Variants in STARD9 observed in about 807,000 individuals in gnomAD.
STARD9 encodes stAR-related lipid transfer protein 9.
STARD9 carries 346 observed loss-of-function variants against 399.8 expected under a neutral mutation model. That is an observed-to-expected ratio of 0.87 (90% CI 0.79 to 0.95). The LOEUF (loss-of-function observed/expected upper bound fraction) is 0.95, where lower values mean the gene tolerates loss of function less well. Ranked by LOEUF, STARD9 falls within the 40% of genes least tolerant of loss-of-function variation. STARD9 has a pLI of 0.00. For synonymous variants in STARD9, 2,203 were observed against 2,143.5 expected (o/e 1.03, Z -0.77); for missense variants, 5,832 against 5,667.5 (o/e 1.03, Z -0.93).
intron 7 of STARD9, among the ~76,000 whole-genome samples, chr15:42,648,859 G>T (rs1417946018): frequency 6.6e-6 from 1 of 151,468 alleles, no homozygotes; most frequent in Non-Finnish European, 1.5e-5. Context: ...AAGGCCTATT[G>T]CCTGTATACT....
intron 7 of STARD9, among the ~76,000 whole-genome samples, chr15:42,648,236 C>T (rs1033075231): frequency 2.0e-5 from 3 of 152,138 alleles, no homozygotes; most frequent in African/African-American, 4.8e-5. Flanking sequence ...GATCTCGGCT[C>T]ACTGCAACCT....
At chr15:42,702,077 C>T (rs1032052377) in intron 26 of STARD9, among the ~76,000 whole-genome samples, 3 of 151,736 alleles carry the variant, frequency 2.0e-5, no homozygotes, top group East Asian at 1.9e-4. Flanking sequence ...TCCCCTTCCT[C>T]GCTAACAGAT....
At chr15:42,620,960 G>T (rs947399890) in intron 3 of STARD9, among the ~76,000 whole-genome samples, 1 of 151,890 alleles carries the variant, frequency 6.6e-6, no homozygotes. Flanking sequence ...CACCATGTTG[G>T]CCAGTCTGGT....
intron 20 of STARD9, among the ~76,000 whole-genome samples, chr15:42,677,006 A>G (rs1317094567): frequency 6.8e-6 from 1 of 148,080 alleles, no homozygotes; most frequent in Non-Finnish European, 1.5e-5. Context: ...TAATCCCAGC[A>G]CTTTGGGAGG....
chr15:42,685,816 A>G lies in STARD9; in HGVS notation c.4238A>G (p.His1413Arg), dbSNP rs567272035. 2 of 1,537,212 alleles carry G rather than the reference A, an allele frequency of 1.3e-6. No homozygotes were observed. The highest frequency in any genetic ancestry group is 2.4e-5 in the South Asian group (2 of 84,070). ...TELLCSARDE[H>R]TASAADTSRL... ...CTCCTCTGCAGTGCAAGAGATGAGC[A>G]CACAGCCTCTGCTGCTGATACGTCT... The change falls in exon 23 of 33, where the codon CAC becomes CGC. Residue 1413 changes from histidine to arginine, a missense_variant. Around this residue, in one of 2 missense-constraint regions of STARD9, gnomAD observed 5,828 missense variants for 5,651.1 expected, o/e 1.03. Coordinates refer to ENST00000290607, the MANE Select transcript of STARD9 (RefSeq NM_020759.3).
At chr15:42,650,942 A>T (rs538848050) in intron 7 of STARD9, 74 bp from the exon 8 acceptor site, 203 of 1,051,880 alleles carry the variant, frequency 1.9e-4, no homozygotes, top group Non-Finnish European at 2.7e-4. Flanking sequence ...GGAATGATAA[A>T]GACTTACAAG....
At chr15:42,636,113 A>G (rs981478366) in intron 4 of STARD9, among the ~76,000 whole-genome samples, 3 of 152,162 alleles carry the variant, frequency 2.0e-5, no homozygotes, top group Non-Finnish European at 4.4e-5. Flanking sequence ...TCTAGGCAAC[A>G]TAGGGAGACT....
Position 42,694,043 on chromosome 15 carries a change from G to T in STARD9, c.12465G>T (p.Gly4155=), listed in dbSNP as rs916199760. 29 of 1,535,340 alleles carry T rather than the reference G, an allele frequency of 1.9e-5. No individual in the cohort carries two copies. The highest frequency in any genetic ancestry group is 1.7e-4 in the Middle Eastern group (1 of 6,004). ...GGGTTCAGAAGGGCTCACCTGGGGG[G>T]TTGGACATGACTGAGGAGGAGCTGG... is the stretch of plus-strand genomic sequence containing the variant. ...WCGVQKGSPG[G]LDMTEEELGA... Residue 4155 remains glycine, a synonymous_variant, in exon 23 of 33, where the codon GGG becomes GGT. Coordinates refer to ENST00000290607, the MANE Select transcript of STARD9 (RefSeq NM_020759.3).
Position 42,689,638 on chromosome 15 carries a change from G to C in STARD9, c.8060G>C (p.Gly2687Ala). Residue 2687 changes from glycine to alanine, a missense_variant, in exon 23 of 33, where the codon GGA (glycine) becomes GCA (alanine). Gly to Ala is a moderately conservative substitution (Grantham distance 60). Coordinates refer to ENST00000290607, the MANE Select transcript of STARD9 (RefSeq NM_020759.3). ...ACTGGAGAACTGAGGCAGTTCGCGGGAGCAAGTGAACCATTTATATGTCAC... is the reference window on the plus strand; with the variant it reads ...ACTGGAGAACTGAGGCAGTTCGCGGCAGCAAGTGAACCATTTATATGTCAC... ...RRTGELRQFA[G>A]ASEPFICHSS... 6.5e-7 allele frequency: 1 copy of C among 1,537,576 alleles called. No homozygotes were observed. The highest frequency in any genetic ancestry group is 8.7e-7 in the Non-Finnish European group (1 of 1,146,992).
chr15:42,720,936 C>T lies in STARD9; in HGVS notation c.*1362C>T, dbSNP rs1337623614. 1 of 152,076 alleles carries T rather than the reference C, an allele frequency of 6.6e-6. No homozygotes were observed. Among genetic ancestry groups the T allele is most frequent in the African/African-American group, 2.4e-5 (1 of 41,404 alleles). The allele number at this position is 152,076 out of a possible 1,614,324, so 9.4% of individuals were successfully genotyped here. On this transcript the variant is annotated 3_prime_UTR_variant, in exon 33 of 33. Transcript: ENST00000290607. Reference sequence around the variant, plus strand: ...TACTCCTACCTCTTTTCATATAAATCTCTTACTAAGACTACTGACCAAAAA... The same window carrying T: ...TACTCCTACCTCTTTTCATATAAATTTCTTACTAAGACTACTGACCAAAAA...
At chr15:42,715,490 G>A (rs9806648) in intron 26 of STARD9, among the ~76,000 whole-genome samples, 1,574 of 151,984 alleles carry the variant, frequency 0.01, 26 homozygotes, top group African/African-American at 0.035. Context: ...AGACCAACAT[G>A]GGCAACAGGG....
intron 3 of STARD9, among the ~76,000 whole-genome samples, chr15:42,610,271 G>T (rs2058821438): frequency 6.6e-6 from 1 of 152,110 alleles, no homozygotes; most frequent in South Asian, 2.1e-4. Context: ...TTGGTTAGGT[G>T]GGGCCATGTG....
chr15:42,603,723 G>A (rs1459999026), intron 3 of STARD9, among the ~76,000 whole-genome samples: 1 of 152,102 alleles, frequency 6.6e-6, no homozygotes, highest in Non-Finnish European at 1.5e-5. Context: ...ATCATAGGGG[G>A]TCAAAGCTTG....
At chr15:42,615,023 T>TTC (rs1348169240) in intron 3 of STARD9, among the ~76,000 whole-genome samples, 12 of 150,062 alleles carry the variant, frequency 8.0e-5, no homozygotes, top group Admixed American at 6.6e-4. Flanking sequence ...ATTTTTTTTT[T>TTC]TTTTTCCAGG....
At chr15:42,597,091 G>C (rs924210635) in intron 3 of STARD9, among the ~76,000 whole-genome samples, 2 of 152,166 alleles carry the variant, frequency 1.3e-5, no homozygotes, top group East Asian at 1.9e-4. Flanking sequence ...TTGTGTGTGT[G>C]TGTATATATA....
At chr15:42,597,097 A>G (rs1293579879) in intron 3 of STARD9, among the ~76,000 whole-genome samples, 1 of 152,024 alleles carries the variant, frequency 6.6e-6, no homozygotes, top group African/African-American at 2.4e-5. Context: ...GTGTGTGTAT[A>G]TATATTTTGT....
Position 42,637,951 on chromosome 15 carries a change from C to G in STARD9, c.384+12C>G. On this transcript the variant is annotated intron_variant, in intron 5 of 32. Coordinates refer to ENST00000290607, the MANE Select transcript of STARD9 (RefSeq NM_020759.3). ...CACGGATATGTGAGGTATAGACTAT[C>G]TTTTGGCTGGATCCTCTCAAAGTAG... 1 of 1,537,290 alleles carries G rather than the reference C, an allele frequency of 6.5e-7. No individual in the cohort carries two copies. The highest frequency in any genetic ancestry group is 8.7e-7 in the Non-Finnish European group (1 of 1,146,914).
rs370295021 is a variant in STARD9 at position 42,575,677 on chromosome 15, C to A, written c.-39C>A. The A allele has an allele frequency of 2.0e-6, 3 of 1,535,036 alleles. No individual in the cohort carries two copies. The highest frequency in any genetic ancestry group is 2.4e-5 in the East Asian group (1 of 40,902). ...TTAGGGCGGGGGCCTGGGATGCTGC[C>A]GCTGAGCTGACCCGCTGGACTTGGG... is the stretch of plus-strand genomic sequence containing the variant. On this transcript the variant is annotated 5_prime_UTR_variant, in exon 1 of 33. Transcript: ENST00000290607.
chr15:42,695,394 C>A, intron 25 of STARD9, 71 bp downstream of exon 25: 1 of 1,371,920 alleles, frequency 7.3e-7, no homozygotes. Flanking sequence ...TCACCGTGGC[C>A]GCCTCTGAGT....
Sources: allele counts gnomAD v4.1 joint callset (sites outside exome capture counted in the v4.1 genomes callset), GRCh38; gene constraint gnomAD v4.1.1; regional missense constraint gnomAD v4.1.1; transcripts MANE v1.5; gene names NCBI Gene and HGNC (gene_info 2026-07-23, HGNC 2026-07-21).